The following CACNG7 variants were observed in gnomAD, a reference collection of about 807,000 sequenced individuals.
CACNG7 encodes calcium voltage-gated channel auxiliary subunit gamma 7.
CACNG7 carries 9 observed loss-of-function variants against 26.3 expected under a neutral mutation model. The ratio of observed to expected loss-of-function variants is 0.34; its 90% CI spans 0.21 to 0.60. The LOEUF (loss-of-function observed/expected upper bound fraction) is 0.60, where lower values mean the gene tolerates loss of function less well. CACNG7 is among the 20% of genes least tolerant of loss of function. The pLI is 0.81. For missense variants in CACNG7, 297 were observed against 380.4 expected (o/e 0.78, Z 1.82); for synonymous variants, 170 against 157.0 (o/e 1.08, Z -0.62).
At chr19:53,936,464 G>C (rs1245809555) in intron 4 of CACNG7, among the ~76,000 whole-genome samples, 1 of 152,142 alleles carries the variant, frequency 6.6e-6, no homozygotes, top group Non-Finnish European at 1.5e-5. Flanking sequence ...ATTACTACTA[G>C]GATTGCAGAA....
intron 4 of CACNG7, among the ~76,000 whole-genome samples, chr19:53,933,003 G>A (rs1056487571): frequency 3.3e-5 from 5 of 151,690 alleles, no homozygotes; most frequent in Non-Finnish European, 5.9e-5. Flanking sequence ...ATGGGGTTTC[G>A]CCATGTTGGC....
chr19:53,914,863 G>A (rs763677450), intron 3 of CACNG7, among the ~76,000 whole-genome samples: 2 of 151,658 alleles, frequency 1.3e-5, no homozygotes, highest in Admixed American at 6.6e-5. Flanking sequence ...TTAGCTGGGC[G>A]TGGTGGCGCG....
At chr19:53,927,645 C>T (rs1301796196) in intron 4 of CACNG7, among the ~76,000 whole-genome samples, 1 of 152,038 alleles carries the variant, frequency 6.6e-6, no homozygotes, top group Non-Finnish European at 1.5e-5. Context: ...CGAGACCAGA[C>T]TAGCCAACAT....
intron 3 of CACNG7, among the ~76,000 whole-genome samples, chr19:53,914,967 A>T (rs1191227221): frequency 6.7e-6 from 1 of 150,238 alleles, no homozygotes; most frequent in Non-Finnish European, 1.5e-5. Context: ...TCACCACTGC[A>T]CTCCAGCCTG....
Position 53,942,024 on chromosome 19 carries a change from G to A in CACNG7, c.571-12G>A. ...GGGGCGCCCCTGGGACTCTGACCTTGCCTTGCCGCAGGGGGCCGGCGTGAT... is the reference window on the plus strand; with the variant it reads ...GGGGCGCCCCTGGGACTCTGACCTTACCTTGCCGCAGGGGGCCGGCGTGAT... On this transcript the variant is annotated splice_polypyrimidine_tract_variant and intron_variant, in intron 5 of 5. Transcript: ENST00000391767. The surrounding 1 kb of genome is among the most constrained non-coding windows in gnomAD (Gnocchi z 5.9). 2 of 1,577,176 alleles carry A rather than the reference G, an allele frequency of 1.3e-6. No homozygotes were observed. Among genetic ancestry groups the A allele is most frequent in the Non-Finnish European group, 1.7e-6 (2 of 1,157,154 alleles).
intron 4 of CACNG7, among the ~76,000 whole-genome samples, chr19:53,924,314 G>A (rs563286994): frequency 5.5e-4 from 81 of 147,802 alleles, no homozygotes; most frequent in African/African-American, 2.0e-3. Context: ...AGTTGCCCCA[G>A]GCCTGGTCAT....
At chr19:53,913,113 C>A in intron 2 of CACNG7, 86 bp downstream of exon 2, 2 of 1,177,454 alleles carry the variant, frequency 1.7e-6, no homozygotes, top group East Asian at 2.5e-5. Flanking sequence ...CCCTTGAGTT[C>A]CAGAAATCCA....
At chr19:53,927,708 G>T (rs888391754) in intron 4 of CACNG7, among the ~76,000 whole-genome samples, 1 of 151,882 alleles carries the variant, frequency 6.6e-6, no homozygotes, top group East Asian at 1.9e-4. Flanking sequence ...CCTGGTGGCA[G>T]GCGCCTGTAA....
At chr19:53,921,474 C>T (rs1297708384) in intron 4 of CACNG7, among the ~76,000 whole-genome samples, 3 of 151,194 alleles carry the variant, frequency 2.0e-5, no homozygotes, top group Non-Finnish European at 4.4e-5. Context: ...TGGAGTTGTC[C>T]CCAGGCCTGG....
In CACNG7 at chr19:53,912,333, A is replaced by G. The variant is rs1177045488; in HGVS notation, c.-29-470A>G. ...GAGTCACTGATCCACACTCAAGGTT[A>G]GGGACTCTGGTGGCATCTGATTTCT... On this transcript the variant is annotated intron_variant, in intron 1 of 5. Transcript: ENST00000391767. The surrounding 1 kb of genome is among the most constrained non-coding windows in gnomAD (Gnocchi z 4.6). Among the ~76,000 whole-genome samples, 2 of 152,136 alleles carry G rather than the reference A, an allele frequency of 1.3e-5. No homozygotes were observed. Among genetic ancestry groups the G allele is most frequent in the Admixed American group, 1.3e-4 (2 of 15,268 alleles).
intron 3 of CACNG7, 110 bp downstream of exon 3, chr19:53,914,696 G>C: frequency 1.0e-6 from 1 of 993,870 alleles, no homozygotes; most frequent in Admixed American, 2.0e-5. Context: ...GGGAAGGAGG[G>C]GAGGCTTGAA....
intron 4 of CACNG7, among the ~76,000 whole-genome samples, chr19:53,928,981 C>T (rs985289856): frequency 9.2e-5 from 14 of 151,554 alleles, no homozygotes; most frequent in African/African-American, 2.4e-4. Flanking sequence ...TGGTGGCGCA[C>T]GTCTGTAATC....
Position 53,940,457 on chromosome 19 carries a change from C to T in CACNG7, c.425-1013C>T, listed in dbSNP as rs2069130561. On this transcript the variant is annotated intron_variant, in intron 4 of 5. Transcript: ENST00000391767. The surrounding 1 kb of genome is among the most constrained non-coding windows in gnomAD (Gnocchi z 4.1). ...TCATCCTCTTCGCCCTGGAATATGT[C>T]TCCCTCCAGTCTGTTCCCAGCATCA... Among the ~76,000 whole-genome samples, 1 of 152,058 alleles carries T rather than the reference C, an allele frequency of 6.6e-6. No individual in the cohort carries two copies. Among genetic ancestry groups the T allele is most frequent in the Non-Finnish European group, 1.5e-5 (1 of 68,012 alleles).
intron 4 of CACNG7, among the ~76,000 whole-genome samples, chr19:53,924,707 G>T (rs1004234852): frequency 5.4e-5 from 8 of 147,864 alleles, no homozygotes; most frequent in African/African-American, 2.0e-4. Flanking sequence ...TGGTGGAGTT[G>T]CCCCAGTTCT....
At position 53,940,901 on chromosome 19, in the gene CACNG7, A is replaced by T. The variant is rs1037263723; in HGVS notation, c.425-569A>T. ...GAAACCCCGTCTCTACTAAAAATAT[A>T]AAAAAAAAAATTAGTCGGGAGTGGT... On this transcript the variant is annotated intron_variant, in intron 4 of 5. Coordinates refer to ENST00000391767, the MANE Select transcript of CACNG7 (RefSeq NM_031896.5). This position sits in a 1 kb window ranked among gnomAD's most constrained non-coding sequence, Gnocchi z 4.1. 1.8e-4 allele frequency among the ~76,000 whole-genome samples: 25 copies of T among 139,120 alleles called. No homozygotes were observed. In the South Asian group the frequency reaches 2.0e-3, roughly 11 times the overall value. 91.3% of individuals were successfully genotyped at this position (139,120 alleles called of 152,430 possible). A position where few individuals can be genotyped will look rare whatever the true frequency, so the allele number is the denominator to read the frequency against.
chr19:53,918,856 C>T (rs1238935657), intron 4 of CACNG7, among the ~76,000 whole-genome samples: 2 of 152,134 alleles, frequency 1.3e-5, no homozygotes, highest in African/African-American at 4.8e-5. Context: ...GCAACCTCCG[C>T]GTCCCAGGTT....
rs1272871372 is a variant in CACNG7, at chr19:53,912,410, G to T, written c.-29-393G>T. Among the ~76,000 whole-genome samples the T allele has an allele frequency of 6.6e-6, 1 of 152,190 alleles. No individual in the cohort carries two copies. Among genetic ancestry groups the T allele is most frequent in the Non-Finnish European group, 1.5e-5 (1 of 68,038 alleles). ...AGGTTAGGTTTTGGCAGGGGGACCT[G>T]GTTCTGGGGTTAAGAAGCTCAAATT... On this transcript the variant is annotated intron_variant, in intron 1 of 5. Coordinates refer to ENST00000391767, the MANE Select transcript of CACNG7 (RefSeq NM_031896.5). The surrounding 1 kb of genome is among the most constrained non-coding windows in gnomAD (Gnocchi z 4.6).
intron 4 of CACNG7, among the ~76,000 whole-genome samples, chr19:53,919,985 G>A (rs569049751): frequency 1.2e-4 from 15 of 126,790 alleles, no homozygotes; most frequent in African/African-American, 5.5e-4. Context: ...TTGTCCCCAG[G>A]CCTGGTATTG....
At chr19:53,917,701 T>C (rs576786750) in intron 4 of CACNG7, among the ~76,000 whole-genome samples, 4 of 152,054 alleles carry the variant, frequency 2.6e-5, no homozygotes, top group South Asian at 4.2e-4. Flanking sequence ...AATGGAAAAA[T>C]AGTAGCCTAG....
Sources: allele counts gnomAD v4.1 joint callset (sites outside exome capture counted in the v4.1 genomes callset), GRCh38; gene constraint gnomAD v4.1.1; non-coding constraint Gnocchi (gnomAD v3.1); transcripts MANE v1.5; gene names NCBI Gene and HGNC (gene_info 2026-07-23, HGNC 2026-07-21).